Variants in JMY observed in about 807,000 individuals in gnomAD.
The protein encoded by JMY is junction-mediating and -regulatory protein.
In JMY, 46 loss-of-function variants were observed where a neutral mutation model predicts 103.3. The observed-to-expected ratio is 0.45, with a 90% CI of 0.35 to 0.57. The LOEUF (loss-of-function observed/expected upper bound fraction) is 0.57, where lower values mean the gene tolerates loss of function less well. Ranked by LOEUF, JMY falls within the 20% of genes least tolerant of loss-of-function variation. The pLI is 0.00. For synonymous variants in JMY, 526 were observed against 489.3 expected, an observed-to-expected ratio of 1.07 and a Z score of -0.99; for missense variants, 1,238 against 1,255.2, an observed-to-expected ratio of 0.99 and a Z score of 0.21.
In JMY at chr5:79,314,636, C is replaced by CCCCCAA; in HGVS notation, c.2444_2445insCCCCAA (p.Pro816_Pro817insLysPro). ...CTTCCTCCAACACCACCACCTCCCC[C>CCCCCAA]ACCTCCTCCCCCTCCCCCACCACCA... On this transcript the variant is annotated inframe_insertion, in exon 9 of 11. Transcript: ENST00000396137. 1.3e-6 allele frequency: 2 copies of CCCCCAA among 1,502,604 alleles called. No individual in the cohort carries two copies. Among genetic ancestry groups the CCCCCAA allele is most frequent in the Non-Finnish European group, 1.8e-6 (2 of 1,090,282 alleles). The allele number at this position is 1,502,604 out of a possible 1,614,324, so 93.1% of individuals were successfully genotyped here.
chr5:79,258,311 G>GTTTTTTTTTTTTTTTTTTTTTTTTTTTT (rs1491360478), intron 1 of JMY, among the ~76,000 whole-genome samples: 1 of 81,812 alleles, frequency 1.2e-5, no homozygotes. Context: ...TTTTGTTTTT[G>GTTTTTTTTTTTTTTTTTTTTTTTTTTTT]TTGTTTTTTT....
chr5:79,291,090 T>G, intron 3 of JMY, 40 bp from the exon 4 acceptor site: 1 of 1,418,662 alleles, frequency 7.0e-7, no homozygotes, highest in Non-Finnish European at 9.5e-7. Flanking sequence ...AGTATTAAGT[T>G]GTTATTTGTC....
intron 7 of JMY, among the ~76,000 whole-genome samples, chr5:79,311,504 G>C (rs1419588866): frequency 6.6e-6 from 1 of 152,130 alleles, no homozygotes; most frequent in Non-Finnish European, 1.5e-5. Context: ...GGAAGAGAGG[G>C]TAGTTAATTT....
chr5:79,306,796 A>T (rs1418606463), intron 7 of JMY, among the ~76,000 whole-genome samples: 4 of 152,170 alleles, frequency 2.6e-5, no homozygotes, highest in African/African-American at 7.2e-5. Flanking sequence ...TGCTTATGTT[A>T]GGGTTCTTTC....
intron 1 of JMY, among the ~76,000 whole-genome samples, chr5:79,255,944 A>G (rs1306640372): frequency 1.3e-5 from 2 of 152,228 alleles, no homozygotes; most frequent in Non-Finnish European, 2.9e-5. Flanking sequence ...GCTACCGCCT[A>G]CGTTCATTCA....
At chr5:79,243,096 TTTTG>T (rs1043320301) in intron 1 of JMY, among the ~76,000 whole-genome samples, 3 of 152,058 alleles carry the variant, frequency 2.0e-5, no homozygotes, top group Non-Finnish European at 4.4e-5. Flanking sequence ...TGGGGAAGTT[TTTTG>T]TTTGTTTTGT....
chr5:79,254,392 CCTT>C (rs1270515963), intron 1 of JMY, among the ~76,000 whole-genome samples: 1 of 152,162 alleles, frequency 6.6e-6, no homozygotes. Flanking sequence ...TTTATTTTCT[CCTT>C]CAAGTTTGAA....
At chr5:79,302,784 G>A (rs1050331573) in intron 6 of JMY, among the ~76,000 whole-genome samples, 2 of 152,176 alleles carry the variant, frequency 1.3e-5, no homozygotes, top group South Asian at 4.1e-4. Flanking sequence ...ATAGGTTAGA[G>A]GGAGAAGAGA....
chr5:79,286,026 C>A (rs746665374), intron 2 of JMY, among the ~76,000 whole-genome samples: 13 of 152,144 alleles, frequency 8.5e-5, no homozygotes, highest in Non-Finnish European at 1.5e-4. Context: ...ACAGAGGTGT[C>A]ATTGTTTTTA....
At chr5:79,244,388 A>G (rs1561287238) in intron 1 of JMY, among the ~76,000 whole-genome samples, 1 of 152,130 alleles carries the variant, frequency 6.6e-6, no homozygotes, top group African/African-American at 2.4e-5. Flanking sequence ...ATATTATTAT[A>G]AGGGAGTGTG....
At chr5:79,241,001 G>GCTTAGTCCTTTGGTCA (rs1476167885) in intron 1 of JMY, among the ~76,000 whole-genome samples, 1 of 152,164 alleles carries the variant, frequency 6.6e-6, no homozygotes, top group East Asian at 1.9e-4. Flanking sequence ...ATGTTAGAAT[G>GCTTAGTCCTTTGGTCA]CTTAGTCCTT....
In JMY at chr5:79,323,738, G is replaced by C. The variant is rs1014707982; in HGVS notation, c.*2136G>C. 5.3e-5 allele frequency: 8 copies of C among 152,056 alleles called. No homozygotes were observed. Among genetic ancestry groups the C allele is most frequent in the Admixed American group, 3.9e-4 (6 of 15,236 alleles). The allele number at this position is 152,056 out of a possible 1,614,324, so 9.4% of individuals were successfully genotyped here. ...GGGAATTTGCTACTCTTTTACTTTT[G>C]GGATTTCATTATAAAATAGGCTCAT... On this transcript the variant is annotated 3_prime_UTR_variant, in exon 11 of 11. Coordinates refer to ENST00000396137, the MANE Select transcript of JMY (RefSeq NM_152405.5).
rs1367240852 is a variant in JMY, at chr5:79,237,373, G to C, written c.723G>C (p.Val241=). The change falls in exon 1 of 11, where the codon GTG becomes GTC. Residue 241 remains valine (V), a synonymous_variant. Transcript: ENST00000396137. ...TTTCTTTCCAGGACCTGCGCGCCGT[G>C]CACCAGCAGCTGTGCTCGGTGAACT... ...GLFSFQDLRA[V]HQQLCSVNSQ... 1 of 1,613,146 alleles carries C rather than the reference G, an allele frequency of 6.2e-7. No homozygotes were observed. Among genetic ancestry groups the C allele is most frequent in the Non-Finnish European group, 8.5e-7 (1 of 1,179,848 alleles).
At chr5:79,241,966 A>G (rs964519584) in intron 1 of JMY, among the ~76,000 whole-genome samples, 2 of 152,078 alleles carry the variant, frequency 1.3e-5, no homozygotes, top group Non-Finnish European at 2.9e-5. Context: ...CTTAGGTTTG[A>G]CCTGGATTTT....
chr5:79,250,496 T>C (rs1745052185), intron 1 of JMY, among the ~76,000 whole-genome samples: 1 of 152,170 alleles, frequency 6.6e-6, no homozygotes, highest in South Asian at 2.1e-4. Context: ...CTGATCACAA[T>C]TGATTTGCAA....
In JMY at chr5:79,323,654, A is replaced by T. The variant is rs1747534351; in HGVS notation, c.*2052A>T. 1 of 152,224 alleles carries T rather than the reference A, an allele frequency of 6.6e-6. No individual in the cohort carries two copies. The highest frequency in any genetic ancestry group is 2.4e-5 in the African/African-American group (1 of 41,442). The allele number at this position is 152,224 out of a possible 1,614,324, so 9.4% of individuals were successfully genotyped here. On this transcript the variant is annotated 3_prime_UTR_variant, in exon 11 of 11. Transcript: ENST00000396137. ...TTTTTCATTTATTCAAATTCAGAAAAATACGGACGGATCTAATGTTAAATT... is the reference window on the plus strand; with the variant it reads ...TTTTTCATTTATTCAAATTCAGAAATATACGGACGGATCTAATGTTAAATT...
At chr5:79,252,427 C>G (rs1745116072) in intron 1 of JMY, among the ~76,000 whole-genome samples, 1 of 149,342 alleles carries the variant, frequency 6.7e-6, no homozygotes, top group Admixed American at 6.7e-5. Flanking sequence ...AGGAAAAGAA[C>G]ATGTATTCTG....
At position 79,290,361 on chromosome 5, in the gene JMY, A is replaced by G. The variant is rs532170784; in HGVS notation, c.1357+90A>G. ...TCAGAAAAATTACATAGAAAAGTAT[A>G]TAAAGATCACTCATAATCCCAGCAA... On this transcript the variant is annotated intron_variant, in intron 3 of 10. Coordinates refer to ENST00000396137, the MANE Select transcript of JMY (RefSeq NM_152405.5). 59 of 889,866 alleles carry G rather than the reference A, an allele frequency of 6.6e-5. No individual in the cohort carries two copies. The African/African-American group carries it at 8.4e-4, about 13-fold the overall frequency. The allele number at this position is 889,866 out of a possible 1,614,324, so 55.1% of individuals were successfully genotyped here. A position where few individuals can be genotyped will look rare whatever the true frequency, so the allele number is the denominator to read the frequency against.
chr5:79,281,006 A>G (rs1329953135), intron 2 of JMY, among the ~76,000 whole-genome samples: 2 of 151,300 alleles, frequency 1.3e-5, no homozygotes, highest in Non-Finnish European at 2.9e-5. Context: ...ATGTATTAGT[A>G]ATAGAAAAAA....
Sources: allele counts gnomAD v4.1 joint callset (sites outside exome capture counted in the v4.1 genomes callset), GRCh38; gene constraint gnomAD v4.1.1; transcripts MANE v1.5; gene names NCBI Gene and HGNC (gene_info 2026-07-23, HGNC 2026-07-21).